Variants in PCSK2 observed in about 807,000 individuals in gnomAD.
The protein encoded by PCSK2 is neuroendocrine convertase 2.
In PCSK2, 14 loss-of-function variants were observed where a neutral mutation model predicts 69.7. The observed-to-expected ratio is 0.20, with a 90% CI of 0.13 to 0.31. The LOEUF is 0.31. Among genes scored for constraint, PCSK2 ranks in the 10% least tolerant of loss-of-function variants. The pLI is 1.00. For missense variants in PCSK2, 544 were observed against 842.5 expected, an observed-to-expected ratio of 0.65 and a Z score of 4.39; for synonymous variants, 307 against 320.7, an observed-to-expected ratio of 0.96 and a Z score of 0.46.
chr20:17,476,650 G>A (rs2033295986), intron 11 of PCSK2, among the ~76,000 whole-genome samples: 1 of 152,112 alleles, frequency 6.6e-6, no homozygotes, highest in Admixed American at 6.5e-5. Flanking sequence ...AACTGTTCAG[G>A]GCAGGAATTA....
chr20:17,283,370 G>T (rs1988391093), intron 2 of PCSK2, among the ~76,000 whole-genome samples: 1 of 147,158 alleles, frequency 6.8e-6, no homozygotes, highest in Admixed American at 6.8e-5. Flanking sequence ...ATTTCAAAAA[G>T]GCACAGAGTG....
chr20:17,295,758 G>A (rs374933855), intron 2 of PCSK2, among the ~76,000 whole-genome samples: 3 of 152,054 alleles, frequency 2.0e-5, no homozygotes, highest in Admixed American at 1.3e-4. Context: ...GTCTTACTAT[G>A]TTGCCCAGGC....
intron 5 of PCSK2, among the ~76,000 whole-genome samples, chr20:17,397,363 C>T (rs943807186): frequency 2.6e-5 from 4 of 152,006 alleles, no homozygotes; most frequent in Non-Finnish European, 4.4e-5. Flanking sequence ...TAATTCAGAC[C>T]GTAATATTCA....
rs553527791 is a variant in PCSK2, at chr20:17,407,842, A to C, written c.544-1421A>C. Among the ~76,000 whole-genome samples, 6 of 152,312 alleles carry C rather than the reference A, an allele frequency of 3.9e-5. No individual in the cohort carries two copies. The South Asian group carries it at 1.2e-3, about 32-fold the overall frequency. On this transcript the variant is annotated intron_variant, in intron 5 of 11. Transcript: ENST00000262545. Reference sequence around the variant, plus strand: ...CTAGATCCTGGAATAAAGGATCAACATGCTTAAGACTCCAGGCAAATTACT... The same window carrying C: ...CTAGATCCTGGAATAAAGGATCAACCTGCTTAAGACTCCAGGCAAATTACT...
intron 2 of PCSK2, among the ~76,000 whole-genome samples, chr20:17,349,626 T>C (rs543351021): frequency 4.6e-5 from 7 of 152,102 alleles, no homozygotes; most frequent in African/African-American, 1.7e-4. Flanking sequence ...AGCCCATCCA[T>C]GGGTGTTAGA....
intron 10 of PCSK2, among the ~76,000 whole-genome samples, chr20:17,462,186 G>T (rs971477109): frequency 6.6e-6 from 1 of 151,736 alleles, no homozygotes; most frequent in Admixed American, 6.6e-5. Flanking sequence ...AAGTTAGGAA[G>T]CTCTCCCCTG....
chr20:17,363,636 A>G (rs2030480458), intron 4 of PCSK2, among the ~76,000 whole-genome samples: 1 of 152,240 alleles, frequency 6.6e-6, no homozygotes, highest in Admixed American at 6.5e-5. Flanking sequence ...ACAAGATCAG[A>G]GAAGGCATGG....
intron 5 of PCSK2, among the ~76,000 whole-genome samples, chr20:17,383,435 G>A (rs988172026): frequency 6.6e-6 from 1 of 152,152 alleles, no homozygotes; most frequent in Non-Finnish European, 1.5e-5. Context: ...AAAACAGAAA[G>A]CCTCTCTATC....
At chr20:17,280,175 A>G (rs191903236) in intron 2 of PCSK2, among the ~76,000 whole-genome samples, 2 of 152,312 alleles carry the variant, frequency 1.3e-5, no homozygotes, top group East Asian at 3.9e-4. Context: ...TGAATTGTAT[A>G]GTATATACTA....
At chr20:17,369,520 G>C (rs939951772) in intron 5 of PCSK2, among the ~76,000 whole-genome samples, 1 of 152,090 alleles carries the variant, frequency 6.6e-6, no homozygotes, top group African/African-American at 2.4e-5. Flanking sequence ...CGTACTCATA[G>C]GCACACATGC....
chr20:17,430,033 C>T (rs2032331394), intron 7 of PCSK2, among the ~76,000 whole-genome samples: 1 of 152,198 alleles, frequency 6.6e-6, no homozygotes, highest in African/African-American at 2.4e-5. Context: ...TGTAAACATA[C>T]TCAGAGCTCT....
At chr20:17,369,797 G>T (rs1376165198) in intron 5 of PCSK2, among the ~76,000 whole-genome samples, 1 of 152,224 alleles carries the variant, frequency 6.6e-6, no homozygotes, top group Non-Finnish European at 1.5e-5. Flanking sequence ...TGAGCCATTT[G>T]GGTTCTTGTT....
chr20:17,261,095 C>T (rs1460220804), intron 2 of PCSK2, among the ~76,000 whole-genome samples: 1 of 152,114 alleles, frequency 6.6e-6, no homozygotes, highest in African/African-American at 2.4e-5. Context: ...AGAATAGGAC[C>T]TTTAGTAATC....
At chr20:17,372,807 C>T (rs1478204172) in intron 5 of PCSK2, among the ~76,000 whole-genome samples, 1 of 152,178 alleles carries the variant, frequency 6.6e-6, no homozygotes, top group East Asian at 1.9e-4. Context: ...TTTTTAATGG[C>T]ACAGTGTCTC....
At chr20:17,399,884 T>A (rs1025955985) in intron 5 of PCSK2, among the ~76,000 whole-genome samples, 36 of 152,316 alleles carry the variant, frequency 2.4e-4, no homozygotes, top group Admixed American at 8.5e-4. Context: ...GATTTTTTTT[T>A]AAATCCTATT....
intron 2 of PCSK2, among the ~76,000 whole-genome samples, chr20:17,273,855 T>C (rs1263285244): frequency 6.6e-6 from 1 of 152,252 alleles, no homozygotes; most frequent in South Asian, 2.1e-4. Context: ...AGTTTCACCA[T>C]CTTGAAACGC....
chr20:17,234,318 C>T (rs772125575), intron 1 of PCSK2, among the ~76,000 whole-genome samples: 4 of 152,320 alleles, frequency 2.6e-5, no homozygotes, highest in African/African-American at 9.6e-5. Flanking sequence ...TGGCAACCAA[C>T]GTGCCCTACT....
intron 2 of PCSK2, among the ~76,000 whole-genome samples, chr20:17,270,088 T>C (rs973097539): frequency 1.3e-5 from 2 of 152,272 alleles, no homozygotes; most frequent in Middle Eastern, 3.4e-3. Flanking sequence ...AGTTCCTTAA[T>C]GGTGACATAA....
At chr20:17,425,217 A>T (rs1175821637) in intron 6 of PCSK2, among the ~76,000 whole-genome samples, 1 of 152,210 alleles carries the variant, frequency 6.6e-6, no homozygotes, top group Admixed American at 6.5e-5. Context: ...ATAATTTCAC[A>T]TATTTAAATA....
Sources: allele counts gnomAD v4.1 joint callset (sites outside exome capture counted in the v4.1 genomes callset), GRCh38; gene constraint gnomAD v4.1.1; transcripts MANE v1.5; gene names NCBI Gene and HGNC (gene_info 2026-07-23, HGNC 2026-07-21).